The following WNT3A variants were observed in gnomAD, a reference collection of about 807,000 sequenced individuals.
WNT3A encodes Wnt family member 3A.
Under a neutral mutation model 37.0 loss-of-function variants are expected in WNT3A, and 17 were observed. The ratio of observed to expected loss-of-function variants is 0.46; its 90% CI spans 0.31 to 0.69. The LOEUF is 0.69. Ranked by LOEUF, WNT3A falls within the 30% of genes least tolerant of loss-of-function variation. The probability of loss-of-function intolerance (pLI) is 0.05; values close to 1 mark genes in which losing one functional copy is unlikely to be tolerated. For missense variants in WNT3A, 411 were observed against 510.2 expected (o/e 0.81, Z 1.87); for synonymous variants, 187 against 211.0 (o/e 0.89, Z 0.99).
rs1473581045 is a variant in WNT3A, at chr1:228,008,020, C to G, written c.71+821C>G. Among the ~76,000 whole-genome samples the G allele has an allele frequency of 6.6e-6, 1 of 152,152 alleles. No individual in the cohort carries two copies. The highest frequency in any genetic ancestry group is 1.5e-5 in the Non-Finnish European group (1 of 68,032). On this transcript the variant is annotated intron_variant, in intron 1 of 3. Coordinates refer to ENST00000284523, the MANE Select transcript of WNT3A (RefSeq NM_033131.4). The surrounding 1 kb of genome is among the most constrained non-coding windows in gnomAD (Gnocchi z 4.9). ...GTGCAGATAAACCAAAGGAAGGGTC[C>G]CGAAAGGTCTCTCTCAGGCCTCCCA...
At chr1:228,043,387 G>C (rs2031333486) in intron 2 of WNT3A, among the ~76,000 whole-genome samples, 1 of 152,186 alleles carries the variant, frequency 6.6e-6, no homozygotes, top group Non-Finnish European at 1.5e-5. Context: ...TTGTGTCTAA[G>C]CACCCTGCCT....
Position 228,042,067 on chromosome 1 carries a change from C to T in WNT3A, c.314-8589C>T, listed in dbSNP as rs2031296943. On this transcript the variant is annotated intron_variant, in intron 2 of 3. Coordinates refer to ENST00000284523, the MANE Select transcript of WNT3A (RefSeq NM_033131.4). The surrounding 1 kb of genome is among the most constrained non-coding windows in gnomAD (Gnocchi z 5.2). ...GACCTCGGCTCACTGCAACCTCCGC[C>T]TCCCGGGTTCAAGCGATTCTCCCAC... 6.6e-6 allele frequency among the ~76,000 whole-genome samples: 1 copy of T among 152,182 alleles called. No homozygotes were observed. The highest frequency in any genetic ancestry group is 6.5e-5 in the Admixed American group (1 of 15,284).
rs1206348317 is a variant in WNT3A, at chr1:228,059,706, G to C, written c.*241G>C. The C allele has an allele frequency of 7.5e-7, 1 of 1,335,474 alleles. No individual in the cohort carries two copies. The highest frequency in any genetic ancestry group is 1.5e-5 in the African/African-American group (1 of 64,916). 82.7% of individuals were successfully genotyped at this position (1,335,474 alleles called of 1,614,324 possible). ...CTGAATGAGGCGGAGCTCCAGGATG[G>C]GGAGGGGCTCTGCGTTGGCTTCTCC... On this transcript the variant is annotated 3_prime_UTR_variant, in exon 4 of 4. Transcript: ENST00000284523.
chr1:228,046,889 ATG>A (rs991137252), intron 2 of WNT3A, among the ~76,000 whole-genome samples: 9 of 152,026 alleles, frequency 5.9e-5, no homozygotes, highest in South Asian at 2.1e-4. Flanking sequence ...TGTGGTATGC[ATG>A]TGTCTGTGTG....
In WNT3A at chr1:228,020,857, G is replaced by A. The variant is rs560744245; in HGVS notation, c.72-1810G>A. 2.0e-5 allele frequency among the ~76,000 whole-genome samples: 3 copies of A among 152,234 alleles called. No individual in the cohort carries two copies. The South Asian group carries it at 6.2e-4, about 32-fold the overall frequency. ...AGGAGGGAGGGTGACTAGGGAGAGG[G>A]AGGCCAGATCTCCAGGGGGTAGACA... is the stretch of plus-strand genomic sequence containing the variant. On this transcript the variant is annotated intron_variant, in intron 1 of 3. Coordinates refer to ENST00000284523, the MANE Select transcript of WNT3A (RefSeq NM_033131.4).
intron 3 of WNT3A, among the ~76,000 whole-genome samples, chr1:228,052,120 G>T (rs765378723): frequency 1.3e-5 from 2 of 152,050 alleles, no homozygotes; most frequent in African/African-American, 2.4e-5. Context: ...CCTTCTAAAG[G>T]CCCTACCTCT....
chr1:228,027,744 A>C (rs545577293), intron 2 of WNT3A, among the ~76,000 whole-genome samples: 4 of 152,216 alleles, frequency 2.6e-5, no homozygotes, highest in Admixed American at 1.3e-4. Flanking sequence ...TCTGATGATT[A>C]TTTCTTTCTG....
chr1:228,050,434 C>T lies in WNT3A; in HGVS notation c.314-222C>T, dbSNP rs1382542269. Among the ~76,000 whole-genome samples the T allele has an allele frequency of 1.3e-5, 2 of 152,226 alleles. No homozygotes were observed. The highest frequency in any genetic ancestry group is 4.8e-5 in the African/African-American group (2 of 41,456). On this transcript the variant is annotated intron_variant, in intron 2 of 3. Coordinates refer to ENST00000284523, the MANE Select transcript of WNT3A (RefSeq NM_033131.4). The surrounding 1 kb of genome is among the most constrained non-coding windows in gnomAD (Gnocchi z 5.0). ...CCCTTTACGCCCCCTTTCCCTTCTGCCACAAGTGGAAACAGCCTGAGGCCC... is the reference window on the plus strand; with the variant it reads ...CCCTTTACGCCCCCTTTCCCTTCTGTCACAAGTGGAAACAGCCTGAGGCCC...
intron 1 of WNT3A, among the ~76,000 whole-genome samples, chr1:228,020,556 A>T (rs708121): frequency 6.6e-6 from 1 of 152,094 alleles, no homozygotes; most frequent in Non-Finnish European, 1.5e-5. Flanking sequence ...AGAGAGGATG[A>T]GGAAGGAGAC....
intron 2 of WNT3A, among the ~76,000 whole-genome samples, chr1:228,023,506 AAGAC>A (rs1197996009): frequency 6.6e-6 from 1 of 151,524 alleles, no homozygotes; most frequent in Non-Finnish European, 1.5e-5. Flanking sequence ...GAGGAATAGA[AAGAC>A]AGAGACATAA....
chr1:228,034,399 T>C (rs1342286630), intron 2 of WNT3A, among the ~76,000 whole-genome samples: 1 of 152,252 alleles, frequency 6.6e-6, no homozygotes, highest in East Asian at 1.9e-4. Flanking sequence ...TAGGGCTTTC[T>C]ACGTATAAGA....
chr1:228,060,056 G>C lies in WNT3A; in HGVS notation c.*591G>C. The C allele has an allele frequency of 8.4e-6, 10 of 1,194,202 alleles. No individual in the cohort carries two copies. The highest frequency in any genetic ancestry group is 1.1e-5 in the Non-Finnish European group (10 of 943,104). The allele number at this position is 1,194,202 out of a possible 1,614,324, so 74.0% of individuals were successfully genotyped here. ...GGGCAAGGCCCCTTCCACGGGGGCTGTGGCTCTGGGTGGGCGTGGCCTGCA... is the reference window on the plus strand; with the variant it reads ...GGGCAAGGCCCCTTCCACGGGGGCTCTGGCTCTGGGTGGGCGTGGCCTGCA... On this transcript the variant is annotated 3_prime_UTR_variant, in exon 4 of 4. Coordinates refer to ENST00000284523, the MANE Select transcript of WNT3A (RefSeq NM_033131.4).
At chr1:228,029,289 A>G (rs1009278758) in intron 2 of WNT3A, among the ~76,000 whole-genome samples, 6 of 152,192 alleles carry the variant, frequency 3.9e-5, no homozygotes, top group African/African-American at 1.4e-4. Flanking sequence ...GGTAGAGGAC[A>G]CAGATCCCAC....
At chr1:228,052,772 C>A (rs1420515499) in intron 3 of WNT3A, among the ~76,000 whole-genome samples, 1 of 152,112 alleles carries the variant, frequency 6.6e-6, no homozygotes, top group South Asian at 2.1e-4. Flanking sequence ...TAAAAAGCAC[C>A]CTGTTAAAAG....
Position 228,050,236 on chromosome 1 carries a change from A to G in WNT3A, c.314-420A>G, listed in dbSNP as rs1303332420. The stretch of plus-strand genomic sequence containing the variant: ...GTTTTTGTAGAGATGGGGTCTTGCT[A>G]TGTTGAAAAGGCTGTCCTGGTCTCA... On this transcript the variant is annotated intron_variant, in intron 2 of 3. Coordinates refer to ENST00000284523, the MANE Select transcript of WNT3A (RefSeq NM_033131.4). This position sits in a 1 kb window ranked among gnomAD's most constrained non-coding sequence, Gnocchi z 5.0. Among the ~76,000 whole-genome samples the G allele has an allele frequency of 2.0e-5, 3 of 152,292 alleles. No homozygotes were observed. The highest frequency in any genetic ancestry group is 3.4e-3 in the Middle Eastern group (1 of 294).
At chr1:228,044,995 C>T (rs1386516565) in intron 2 of WNT3A, among the ~76,000 whole-genome samples, 1 of 152,206 alleles carries the variant, frequency 6.6e-6, no homozygotes, top group Non-Finnish European at 1.5e-5. Context: ...GCTCCACCTC[C>T]ACATGTGATG....
At chr1:228,055,195 T>C (rs1442478476) in intron 3 of WNT3A, among the ~76,000 whole-genome samples, 1 of 65,246 alleles carries the variant, frequency 1.5e-5, no homozygotes, top group African/African-American at 5.1e-5. Flanking sequence ...TATATATATA[T>C]ATATATATAT....
intron 2 of WNT3A, among the ~76,000 whole-genome samples, chr1:228,047,261 G>A (rs1438820700): frequency 6.6e-6 from 1 of 152,156 alleles, no homozygotes; most frequent in South Asian, 2.1e-4. Flanking sequence ...GCTGGGACCC[G>A]CCATCAGGGG....
intron 2 of WNT3A, among the ~76,000 whole-genome samples, chr1:228,029,142 C>T (rs986910556): frequency 4.6e-5 from 7 of 152,216 alleles, no homozygotes; most frequent in African/African-American, 1.7e-4. Context: ...TCATCATTTC[C>T]TCAAGTTGGC....
Sources: allele counts gnomAD v4.1 joint callset (sites outside exome capture counted in the v4.1 genomes callset), GRCh38; gene constraint gnomAD v4.1.1; non-coding constraint Gnocchi (gnomAD v3.1); transcripts MANE v1.5; gene names NCBI Gene and HGNC (gene_info 2026-07-23, HGNC 2026-07-21).